Variants in KLRG2 observed in about 807,000 individuals in gnomAD.
KLRG2 encodes the protein killer cell lectin like receptor G2.
KLRG2 carries 39 observed loss-of-function variants against 35.4 expected under a neutral mutation model. The observed-to-expected ratio is 1.10, with a 90% CI of 0.85 to 1.44. The LOEUF is 1.44. Among genes scored for constraint, KLRG2 ranks in the 40% most tolerant of loss-of-function variants. The pLI is 0.00. For synonymous variants in KLRG2, 283 were observed against 265.8 expected, an observed-to-expected ratio of 1.06 and a Z score of -0.63; for missense variants, 632 against 570.9, an observed-to-expected ratio of 1.11 and a Z score of -1.09.
chr7:139,475,177 G>A (rs1287707648), intron 3 of KLRG2, among the ~76,000 whole-genome samples: 1 of 152,158 alleles, frequency 6.6e-6, no homozygotes, highest in Admixed American at 6.5e-5. Flanking sequence ...GGCCCAACAG[G>A]ACAGGGTTTG....
chr7:139,449,692 TC>T (rs369336179), downstream of KLRG2, among the ~76,000 whole-genome samples: 19 of 143,980 alleles, frequency 1.3e-4, no homozygotes, highest in Admixed American at 1.3e-3. Context: ...ATATCCTTAT[TC>T]TTTTTTTTTT....
the KLRG2 span, among the ~76,000 whole-genome samples, chr7:139,427,102 T>C: frequency 1.3e-5 from 2 of 152,212 alleles, no homozygotes; most frequent in African/African-American, 2.4e-5. Context: ...CTGCCTGTTA[T>C]TTGAAAAAGC....
chr7:139,451,919 C>T (rs145368004), downstream of KLRG2, among the ~76,000 whole-genome samples: 608 of 151,990 alleles, frequency 4.0e-3, 5 homozygotes, highest in African/African-American at 0.013. Context: ...TGGCGCCTGC[C>T]CCACGTGAGC....
the KLRG2 span, among the ~76,000 whole-genome samples, chr7:139,446,672 C>T: frequency 1.3e-5 from 2 of 152,128 alleles, no homozygotes; most frequent in African/African-American, 4.8e-5. Context: ...TTCCTGCAGT[C>T]CATAGCTCCT....
rs1405567803 is a variant in KLRG2, at chr7:139,459,727, C to G, written c.1006-5513G>C. On this transcript the variant is annotated intron_variant, in intron 3 of 4. Transcript: ENST00000340940. ...ATGTTATTCCTGGTTACACAGTAAT[C>G]TGTGCTCACTGAAAAACATCACCTC... is the stretch of plus-strand genomic sequence containing the variant. 2.6e-5 allele frequency among the ~76,000 whole-genome samples: 4 copies of G among 152,124 alleles called. No homozygotes were observed. In the East Asian group the frequency reaches 7.7e-4, roughly 29 times the overall value.
intron 1 of KLRG2, among the ~76,000 whole-genome samples, chr7:139,481,690 G>C (rs947854132): frequency 2.6e-5 from 4 of 152,166 alleles, no homozygotes; most frequent in Admixed American, 1.3e-4. Context: ...TTGGGAGGCT[G>C]AGGCGGCTGG....
downstream of KLRG2, among the ~76,000 whole-genome samples, chr7:139,450,751 T>C (rs540837560): frequency 6.6e-6 from 1 of 152,300 alleles, no homozygotes; most frequent in East Asian, 1.9e-4. Context: ...GTTCTGCCAG[T>C]GCTGCCCTGA....
chr7:139,445,781 G>GTGTGTATATATATATATATATA, the KLRG2 span, among the ~76,000 whole-genome samples: 70 of 98,468 alleles, frequency 7.1e-4, 4 homozygotes, highest in African/African-American at 5.0e-3. Flanking sequence ...ATATATATAT[G>GTGTGTATATATATATATATATA]TATATATATA....
chr7:139,453,523 A>C lies in KLRG2; in HGVS notation c.*64T>G. 2.6e-6 allele frequency: 4 copies of C among 1,533,230 alleles called. No individual in the cohort carries two copies. The highest frequency in any genetic ancestry group is 3.5e-6 in the Non-Finnish European group (4 of 1,137,732). 95.0% of individuals were successfully genotyped at this position (1,533,230 alleles called of 1,614,324 possible). On this transcript the variant is annotated 3_prime_UTR_variant, in exon 5 of 5. Coordinates refer to ENST00000340940, the MANE Select transcript of KLRG2 (RefSeq NM_198508.4). ...CAGGAAGAGGCTGCCCAAGCTCTCAACTGGCCTCCCCTGTAGGGGGTGCTG... is the reference window on the plus strand; with the variant it reads ...CAGGAAGAGGCTGCCCAAGCTCTCACCTGGCCTCCCCTGTAGGGGGTGCTG...
intron 3 of KLRG2, among the ~76,000 whole-genome samples, chr7:139,462,074 C>T (rs1796578115): frequency 6.6e-6 from 1 of 152,222 alleles, no homozygotes. Context: ...TGCCATCTTT[C>T]AGTCTCTCCC....
chr7:139,427,719 G>A, the KLRG2 span, among the ~76,000 whole-genome samples: 2 of 152,260 alleles, frequency 1.3e-5, no homozygotes, highest in East Asian at 1.9e-4. Context: ...TTAAGAGCAA[G>A]GCAACTTTTC....
At chr7:139,439,017 T>C in the KLRG2 span, among the ~76,000 whole-genome samples, 4 of 147,526 alleles carry the variant, frequency 2.7e-5, no homozygotes, top group Admixed American at 2.8e-4. Context: ...AAAGGTGAAC[T>C]ATATACTTAG....
intron 3 of KLRG2, among the ~76,000 whole-genome samples, chr7:139,469,234 A>C (rs759142823): frequency 1.4e-4 from 22 of 152,180 alleles, no homozygotes; most frequent in Non-Finnish European, 3.1e-4. Flanking sequence ...ATCTTTGCTC[A>C]CTGCAGCCTC....
intron 3 of KLRG2, among the ~76,000 whole-genome samples, chr7:139,466,594 C>T (rs1414078572): frequency 1.3e-5 from 2 of 152,106 alleles, no homozygotes; most frequent in Non-Finnish European, 2.9e-5. Flanking sequence ...TTATGCCACG[C>T]TCTACCTCTC....
the KLRG2 span, among the ~76,000 whole-genome samples, chr7:139,437,163 A>ATGCC: frequency 6.6e-6 from 1 of 152,202 alleles, no homozygotes; most frequent in Non-Finnish European, 1.5e-5. Context: ...GCAGTGGCTC[A>ATGCC]TGCCTGTAAT....
intron 3 of KLRG2, among the ~76,000 whole-genome samples, chr7:139,477,080 TTCCTGGCACCTGC>T (rs1440095370): frequency 1.3e-5 from 2 of 152,172 alleles, no homozygotes; most frequent in Non-Finnish European, 2.9e-5. Flanking sequence ...CGAATATAAA[TTCCTGGCACCTGC>T]CCCCAGGTAA....
chr7:139,449,972 A>T (rs1796351568), downstream of KLRG2, among the ~76,000 whole-genome samples: 1 of 151,970 alleles, frequency 6.6e-6, no homozygotes, highest in Non-Finnish European at 1.5e-5. Flanking sequence ...AAGTGCTGGG[A>T]TTACAGGCGT....
intron 3 of KLRG2, among the ~76,000 whole-genome samples, chr7:139,464,944 C>T (rs1796625461): frequency 6.6e-6 from 1 of 152,224 alleles, no homozygotes; most frequent in Admixed American, 6.5e-5. Context: ...GTTGAGTCTC[C>T]CACAATTACC....
rs1381641428 is a variant in KLRG2, at chr7:139,483,122, C to A, written c.521G>T (p.Arg174Leu). 1.4e-6 allele frequency: 2 copies of A among 1,478,862 alleles called. No individual in the cohort carries two copies. Among genetic ancestry groups the A allele is most frequent in the East Asian group, 5.9e-5 (2 of 34,170 alleles). The allele number at this position is 1,478,862 out of a possible 1,614,324, so 91.6% of individuals were successfully genotyped here. ...CCACGTGCCGCCCTGGGATGGTGCGCGCAGCAGGAGCTGGTGCGCCGGGTC... is the reference window on the plus strand; with the variant it reads ...CCACGTGCCGCCCTGGGATGGTGCGAGCAGCAGGAGCTGGTGCGCCGGGTC... ...HADPAHQLLL[R>L]APSQGGTWGR... Residue 174 changes from arginine to leucine, a missense_variant, in exon 1 of 5, where the codon CGC (arginine) becomes CTC (leucine). Transcript: ENST00000340940.
Sources: allele counts gnomAD v4.1 joint callset (sites outside exome capture counted in the v4.1 genomes callset), GRCh38; gene constraint gnomAD v4.1.1; transcripts MANE v1.5; gene names NCBI Gene and HGNC (gene_info 2026-07-23, HGNC 2026-07-21).